RAB17: variants seen among roughly 807,000 people sequenced by gnomAD.
RAB17 encodes the protein ras-related protein Rab-17.
A neutral mutation model predicts 19.3 loss-of-function variants in RAB17; 15 were observed. The ratio of observed to expected loss-of-function variants is 0.78; its 90% confidence interval spans 0.52 to 1.20. The LOEUF (loss-of-function observed/expected upper bound fraction) is 1.20, where lower values mean the gene tolerates loss of function less well. Among genes scored for constraint, RAB17 ranks in the 50% most tolerant of loss-of-function variants. The pLI is 0.00. For synonymous variants in RAB17, 110 were observed against 112.8 expected, an observed-to-expected ratio of 0.97 and a Z score of 0.16; for missense variants, 262 against 269.3, an observed-to-expected ratio of 0.97 and a Z score of 0.19.
chr2:237,576,256 T>A (rs900372665), intron 4 of RAB17, among the ~76,000 whole-genome samples: 4 of 152,056 alleles, frequency 2.6e-5, no homozygotes, highest in African/African-American at 7.2e-5. Context: ...CGGCCCTGCA[T>A]TTGTCCCCAC....
chr2:237,581,590 GCTTT>G (rs2149185770), intron 2 of RAB17, among the ~76,000 whole-genome samples: 1 of 152,110 alleles, frequency 6.6e-6, no homozygotes, highest in African/African-American at 2.4e-5. Flanking sequence ...AAGTGGTTTT[GCTTT>G]TTTTACCTTT....
chr2:237,581,373 T>TA (rs78563937), intron 2 of RAB17, among the ~76,000 whole-genome samples: 16,288 of 140,604 alleles, frequency 0.12, 1,014 homozygotes, highest in Middle Eastern at 0.16. Context: ...GACGCCATCT[T>TA]AAAAAAAAAA....
intron 1 of RAB17, among the ~76,000 whole-genome samples, chr2:237,589,113 G>A (rs574855927): frequency 2.3e-4 from 35 of 151,968 alleles, no homozygotes; most frequent in African/African-American, 7.3e-4. Context: ...CCAGCTACTC[G>A]GGAGGCTGAG....
In RAB17 at chr2:237,584,915, C is replaced by T. The variant is rs1458272209; in HGVS notation, c.157+1083G>A. Among the ~76,000 whole-genome samples, 5 of 152,278 alleles carry T rather than the reference C, an allele frequency of 3.3e-5. No homozygotes were observed. The East Asian group carries it at 7.7e-4, about 24-fold the overall frequency. ...CCACAGGGTAACCTTGACTCTCTCC[C>T]CAGGGTCCCCCTCTGCAGACAGCCT... On this transcript the variant is annotated intron_variant, in intron 2 of 5. Coordinates refer to ENST00000264601, the MANE Select transcript of RAB17 (RefSeq NM_022449.4).
At chr2:237,584,038 C>G (rs1443002266) in intron 2 of RAB17, among the ~76,000 whole-genome samples, 1 of 151,744 alleles carries the variant, frequency 6.6e-6, no homozygotes, top group Admixed American at 6.6e-5. Flanking sequence ...ACAGGCAGGG[C>G]AGGTGTGAGG....
At chr2:237,577,414 A>G (rs1324750554) in intron 3 of RAB17, 32 bp from the exon 4 acceptor site, 2 of 1,585,838 alleles carry the variant, frequency 1.3e-6, no homozygotes, top group Non-Finnish European at 1.7e-6. Context: ...AACATCAAAC[A>G]AAACTTATAG....
chr2:237,582,296 G>A (rs754690842), intron 2 of RAB17, among the ~76,000 whole-genome samples: 11 of 152,206 alleles, frequency 7.2e-5, no homozygotes, highest in Non-Finnish European at 1.2e-4. Flanking sequence ...CACACCTGTC[G>A]ACTGAACCAG....
chr2:237,586,645 G>A (rs969987234), intron 1 of RAB17, among the ~76,000 whole-genome samples: 10 of 152,114 alleles, frequency 6.6e-5, no homozygotes, highest in Non-Finnish European at 1.3e-4. Flanking sequence ...TCAAAACATC[G>A]TAGACACATT....
At chr2:237,580,182 G>A (rs1427077839) in intron 2 of RAB17, among the ~76,000 whole-genome samples, 1 of 152,218 alleles carries the variant, frequency 6.6e-6, no homozygotes, top group Non-Finnish European at 1.5e-5. Context: ...CAGGGTGGCT[G>A]TTAAATCGCC....
At chr2:237,577,633 C>A in intron 3 of RAB17, 1 of 498,692 alleles carries the variant, frequency 2.0e-6, no homozygotes, top group South Asian at 2.7e-5. Flanking sequence ...GCCCAGGAGA[C>A]TGCCAGCCAC....
intron 2 of RAB17, among the ~76,000 whole-genome samples, chr2:237,581,368 C>T (rs376656841): frequency 0.019 from 2,717 of 142,810 alleles, 94 homozygotes; most frequent in African/African-American, 0.065. Flanking sequence ...AATGAGACGC[C>T]ATCTTAAAAA....
intron 2 of RAB17, among the ~76,000 whole-genome samples, chr2:237,582,748 C>T (rs1009693403): frequency 6.6e-6 from 1 of 152,214 alleles, no homozygotes; most frequent in African/African-American, 2.4e-5. Context: ...CCCCAAAGCA[C>T]GTAAGTTAAA....
At chr2:237,580,425 A>G (rs2081299020) in intron 2 of RAB17, among the ~76,000 whole-genome samples, 1 of 152,136 alleles carries the variant, frequency 6.6e-6, no homozygotes, top group African/African-American at 2.4e-5. Flanking sequence ...AGCCTCTCAT[A>G]TTTTCCTTTT....
intron 5 of RAB17, 48 bp downstream of exon 5, chr2:237,575,339 C>A: frequency 1.4e-6 from 2 of 1,478,516 alleles, no homozygotes; most frequent in South Asian, 2.3e-5. Flanking sequence ...GGAAGTTGGT[C>A]AGGGACAAGC....
intron 4 of RAB17, chr2:237,575,891 T>C: frequency 5.5e-6 from 1 of 181,188 alleles, no homozygotes; most frequent in Admixed American, 5.6e-5. Flanking sequence ...AACCCTCATT[T>C]TCCAACACAG....
chr2:237,584,918 G>A (rs143336268), intron 2 of RAB17, among the ~76,000 whole-genome samples: 284 of 152,270 alleles, frequency 1.9e-3, no homozygotes, highest in African/African-American at 6.5e-3. Flanking sequence ...TCTCTCCCCA[G>A]GGTCCCCCTC....
intron 4 of RAB17, chr2:237,575,838 G>T: frequency 3.9e-6 from 1 of 257,672 alleles, no homozygotes; most frequent in Non-Finnish European, 7.5e-6. Context: ...ATGAGGCAGA[G>T]GGAGGCCCCT....
intron 2 of RAB17, among the ~76,000 whole-genome samples, chr2:237,585,167 G>T (rs1477718847): frequency 6.7e-6 from 1 of 149,748 alleles, no homozygotes; most frequent in Non-Finnish European, 1.5e-5. Context: ...ACGCAGGCCT[G>T]CAAAAGGGTT....
intron 2 of RAB17, among the ~76,000 whole-genome samples, chr2:237,583,691 TCA>T (rs1254426911): frequency 6.6e-6 from 1 of 152,010 alleles, no homozygotes; most frequent in East Asian, 1.9e-4. Context: ...CCCGGCCCCA[TCA>T]CAGAGACCCA....
Sources: allele counts gnomAD v4.1 joint callset (sites outside exome capture counted in the v4.1 genomes callset), GRCh38; gene constraint gnomAD v4.1.1; transcripts MANE v1.5; gene names NCBI Gene and HGNC (gene_info 2026-07-23, HGNC 2026-07-21).